Variants in ENOX2 observed in about 807,000 individuals in gnomAD.
ENOX2 encodes APK1 antigen.
ENOX2 carries 36 observed loss-of-function variants against 45.0 expected under a neutral mutation model. The observed-to-expected ratio is 0.80, with a 90% CI of 0.61 to 1.06. The LOEUF is 1.06. Ranked by LOEUF, ENOX2 falls within the 50% of genes least tolerant of loss-of-function variation. The pLI, the probability that ENOX2 is intolerant of heterozygous loss-of-function variation, is 0.00. For synonymous variants in ENOX2, 174 were observed against 152.3 expected (o/e 1.14, Z -1.05); for missense variants, 423 against 462.5 (o/e 0.91, Z 0.78).
intron 2 of ENOX2, among the ~76,000 whole-genome samples, chrX:130,811,435 C>A: frequency 8.9e-6 from 1 of 112,159 alleles, no homozygotes; most frequent in Middle Eastern, 4.6e-3. Flanking sequence ...CAACCCCAAC[C>A]AGCCAGGCAC....
intron 10 of ENOX2, among the ~76,000 whole-genome samples, chrX:130,654,691 T>G (rs1177512976): frequency 8.9e-6 from 1 of 112,129 alleles, no homozygotes; most frequent in African/African-American, 3.2e-5. Context: ...GGAGAAAAGC[T>G]ATTTGGTAAG....
intron 2 of ENOX2, among the ~76,000 whole-genome samples, chrX:130,852,136 C>T (rs2148519409): frequency 8.9e-6 from 1 of 112,230 alleles, no homozygotes; most frequent in Non-Finnish European, 1.9e-5. Flanking sequence ...CTTCCTTTCA[C>T]ACATTTTGGC....
chrX:130,693,461 G>A lies in ENOX2; in HGVS notation c.98-4443C>T, dbSNP rs527616322. Among the ~76,000 whole-genome samples, 14 of 111,871 alleles carry A rather than the reference G, an allele frequency of 1.3e-4. 1 individual carries two copies. The South Asian group carries it at 5.3e-3, about 42-fold the overall frequency. On this transcript the variant is annotated intron_variant, in intron 4 of 14. Coordinates refer to ENST00000394363, the MANE Select transcript of ENOX2 (RefSeq NM_006375.4). Reference sequence around the variant, plus strand: ...TGAGGTTCAAGGGGGGTTTAGTTACGTGCTCAAGTTTATACAGCCAGTAAG... The same window carrying A: ...TGAGGTTCAAGGGGGGTTTAGTTACATGCTCAAGTTTATACAGCCAGTAAG...
rs201159919 is a variant in ENOX2 at position 130,631,590 on chromosome X, A to G, written c.1420-14T>C. The stretch of plus-strand genomic sequence containing the variant: ...AGCACAGCTTTCCTGTGGACACAAC[A>G]TGCTTCTAGGTCAGTTCACTTTATT... On this transcript the variant is annotated splice_polypyrimidine_tract_variant and intron_variant, in intron 12 of 14. Transcript: ENST00000394363. 1.9e-6 allele frequency: 2 copies of G among 1,032,695 alleles called. No homozygotes were observed. The highest frequency in any genetic ancestry group is 2.7e-6 in the Non-Finnish European group (2 of 734,215). 85.1% of individuals were successfully genotyped at this position (1,032,695 alleles called of 1,213,427 possible). A position where few individuals can be genotyped will look rare whatever the true frequency, so the allele number is the denominator to read the frequency against.
At chrX:130,856,009 A>G (rs186739653) in intron 2 of ENOX2, among the ~76,000 whole-genome samples, 364 of 112,106 alleles carry the variant, frequency 3.2e-3, no homozygotes, top group African/African-American at 0.011. Flanking sequence ...GCAAATTAAG[A>G]TCACAATGAG....
At chrX:130,701,435 C>T (rs1005504612) in intron 4 of ENOX2, among the ~76,000 whole-genome samples, 1 of 110,713 alleles carries the variant, frequency 9.0e-6, no homozygotes, top group South Asian at 3.8e-4. Flanking sequence ...TAAAGAGGTA[C>T]TAAATAAAAA....
intron 2 of ENOX2, among the ~76,000 whole-genome samples, chrX:130,835,714 T>C (rs1314608944): frequency 1.8e-5 from 2 of 110,596 alleles, no homozygotes; most frequent in African/African-American, 6.6e-5. Context: ...AACACCTCTG[T>C]GCCTCAGTTT....
rs148420572 is a variant in ENOX2 at position 130,890,654 on chromosome X, A to G, written c.-183+11030T>C. 9.3e-3 allele frequency among the ~76,000 whole-genome samples: 1,047 copies of G among 112,898 alleles called. 17 individuals are homozygous for G. The highest frequency in any genetic ancestry group is 0.032 in the African/African-American group (985 of 31,098). On this transcript the variant is annotated intron_variant, in intron 2 of 14. Coordinates refer to ENST00000394363, the MANE Select transcript of ENOX2 (RefSeq NM_006375.4). Reference sequence around the variant, plus strand: ...CAGAACAAAGTTTCATGTTTTCTGAATCAATCAAACTTGCACCAAACCCTG... The same window carrying G: ...CAGAACAAAGTTTCATGTTTTCTGAGTCAATCAAACTTGCACCAAACCCTG...
intron 10 of ENOX2, among the ~76,000 whole-genome samples, chrX:130,644,997 GA>G (rs1317527412): frequency 1.8e-5 from 2 of 111,308 alleles, no homozygotes; most frequent in Non-Finnish European, 3.8e-5. Flanking sequence ...GATAGTGGGG[GA>G]TACTGTGCTT....
At chrX:130,819,172 G>A (rs1346477070) in intron 2 of ENOX2, among the ~76,000 whole-genome samples, 5 of 112,148 alleles carry the variant, frequency 4.5e-5, no homozygotes, top group Admixed American at 1.9e-4. Flanking sequence ...AAACCACAAT[G>A]AGATACCATT....
intron 2 of ENOX2, among the ~76,000 whole-genome samples, chrX:130,876,219 T>A (rs1054029931): frequency 8.9e-6 from 1 of 112,103 alleles, no homozygotes; most frequent in African/African-American, 3.2e-5. Flanking sequence ...GATGACTAGA[T>A]AAACAAAATG....
intron 4 of ENOX2, among the ~76,000 whole-genome samples, chrX:130,695,893 AAG>A (rs1414778903): frequency 8.9e-6 from 1 of 111,791 alleles, no homozygotes; most frequent in Admixed American, 9.5e-5. Context: ...TTCTAATCTG[AAG>A]AGAGAACACA....
At chrX:130,685,131 G>GTTCT (rs1202438947) in intron 5 of ENOX2, among the ~76,000 whole-genome samples, 1 of 111,797 alleles carries the variant, frequency 8.9e-6, no homozygotes, top group East Asian at 2.8e-4. Context: ...GAGGGGAAGT[G>GTTCT]TTCTAGCTAG....
chrX:130,811,399 G>A (rs746473385), intron 2 of ENOX2, among the ~76,000 whole-genome samples: 18 of 111,819 alleles, frequency 1.6e-4, no homozygotes, highest in South Asian at 3.7e-4. Context: ...CAACAGATAC[G>A]CCACAGTGAA....
chrX:130,632,841 C>G (rs1177276626), intron 12 of ENOX2, among the ~76,000 whole-genome samples: 1 of 112,191 alleles, frequency 8.9e-6, no homozygotes, highest in Non-Finnish European at 1.9e-5. Flanking sequence ...CCAATCCAGG[C>G]AGTAACCATT....
chrX:130,821,742 TAAAAAAAAAAAAAAAA>T, intron 2 of ENOX2, among the ~76,000 whole-genome samples: 3 of 23,187 alleles, frequency 1.3e-4, no homozygotes, highest in Non-Finnish European at 2.3e-4. Context: ...ATAAATAAAT[TAAAAAAAAAAAAAAAA>T]AAAAAAAAAA....
chrX:130,878,091 T>C (rs906378782), intron 2 of ENOX2, among the ~76,000 whole-genome samples: 14 of 112,062 alleles, frequency 1.2e-4, no homozygotes, highest in African/African-American at 3.9e-4. Context: ...AGCCCTTCTG[T>C]TACTTCCAGT....
chrX:130,821,741 T>TAAAAA (rs1569505783), intron 2 of ENOX2, among the ~76,000 whole-genome samples: 2 of 24,207 alleles, frequency 8.3e-5, no homozygotes, highest in Admixed American at 4.8e-4. Context: ...AATAAATAAA[T>TAAAAA]TAAAAAAAAA....
intron 5 of ENOX2, among the ~76,000 whole-genome samples, chrX:130,684,111 C>T (rs1375909570): frequency 1.8e-5 from 2 of 112,778 alleles, no homozygotes; most frequent in Non-Finnish European, 3.7e-5. Context: ...GCTCTACATG[C>T]TACCTGCCAA....
Sources: gnomAD v4.1 joint callset for allele counts (sites outside exome capture counted in the v4.1 genomes callset) on GRCh38, gnomAD v4.1.1 for gene constraint, MANE v1.5 for transcripts, NCBI Gene and HGNC (gene_info 2026-07-23, HGNC 2026-07-21) for gene names.